The following SFXN2 variants were observed in gnomAD, a reference collection of about 807,000 sequenced individuals.
The protein encoded by SFXN2 is sideroflexin-2.
SFXN2 carries 37 observed loss-of-function variants against 41.9 expected under a neutral mutation model. The ratio of observed to expected loss-of-function variants is 0.88; its 90% confidence interval spans 0.68 to 1.16. The LOEUF (loss-of-function observed/expected upper bound fraction) is 1.16. Among genes scored for constraint, SFXN2 ranks in the 50% most tolerant of loss-of-function variants. The pLI is 0.00. For missense variants in SFXN2, 386 were observed against 425.2 expected (o/e 0.91, Z 0.81); for synonymous variants, 150 against 156.7 (o/e 0.96, Z 0.32).
rs1477789922 is a variant in SFXN2, at chr10:102,740,152, T to C, written c.*2390T>C. The C allele has an allele frequency of 6.6e-6, 1 of 152,176 alleles. No homozygotes were observed. Among genetic ancestry groups the C allele is most frequent in the African/African-American group, 2.4e-5 (1 of 41,450 alleles). The allele number at this position is 152,176 out of a possible 1,614,324, so 9.4% of individuals were successfully genotyped here. ...TGATTTTTCTCCCCGTTTAAAAAAG[T>C]TAAAATATAACTCACATACCATAAA... On this transcript the variant is annotated 3_prime_UTR_variant, in exon 12 of 12. Transcript: ENST00000369893.
At chr10:102,726,922 G>A in intron 2 of SFXN2, 65 bp from the exon 3 acceptor site, 1 of 1,580,824 alleles carries the variant, frequency 6.3e-7, no homozygotes, top group South Asian at 1.2e-5. Flanking sequence ...GAAGAAGTGA[G>A]AGTGGGGAGA....
chr10:102,726,431 G>A (rs2064594137), intron 1 of SFXN2, 181 bp from the exon 2 acceptor site: 3 of 606,848 alleles, frequency 4.9e-6, no homozygotes, highest in Middle Eastern at 4.5e-4. Flanking sequence ...AGGCCCTCAG[G>A]AAACACATGT....
In SFXN2 at chr10:102,737,661, A is replaced by G; in HGVS notation, c.870-2A>G. ...GCTCATAATCCACTTCTCTCTTTTC[A>G]GTGAATTGCCAGTTTCCTATCTGGA... On this transcript the variant is annotated splice_acceptor_variant, in intron 11 of 11. Transcript: ENST00000369893. LOFTEE classifies it high-confidence loss of function. 6.2e-7 allele frequency: 1 copy of G among 1,607,110 alleles called. No homozygotes were observed. The highest frequency in any genetic ancestry group is 1.3e-5 in the African/African-American group (1 of 74,896).
At chr10:102,715,930 CAA>C (rs11464783) in intron 1 of SFXN2, among the ~76,000 whole-genome samples, 15 of 94,916 alleles carry the variant, frequency 1.6e-4, no homozygotes, top group African/African-American at 1.6e-4. Flanking sequence ...GACCCTGCCT[CAA>C]AAAAAAAAAA....
rs1309240608 is a variant in SFXN2 at position 102,736,793 on chromosome 10, T to G, written c.870-870T>G. 2.0e-5 allele frequency among the ~76,000 whole-genome samples: 3 copies of G among 150,324 alleles called. No homozygotes were observed. The East Asian group carries it at 6.1e-4, about 31-fold the overall frequency. On this transcript the variant is annotated intron_variant, in intron 11 of 11. Coordinates refer to ENST00000369893, the MANE Select transcript of SFXN2 (RefSeq NM_178858.6). ...CTTGAAATCCTGACCTCAGGTGATC[T>G]GCCCGCCTCAGCCTCCCAAAGTATT...
At chr10:102,727,234 T>C (rs2064615566) in intron 3 of SFXN2, 77 bp downstream of exon 3, 2 of 1,461,534 alleles carry the variant, frequency 1.4e-6, no homozygotes, top group Non-Finnish European at 1.9e-6. Flanking sequence ...ATGATAATAA[T>C]AATAGTTCTC....
chr10:102,729,369 C>G lies in SFXN2; in HGVS notation c.482C>G (p.Ala161Gly). Reference protein sequence around the residue: ...FTATTTAVATAVGMNMLTKKA... With the variant: ...FTATTTAVATGVGMNMLTKKA... ...GCCACAACCACTGCTGTGGCCACGG[C>G]TGTGGGCATGAACATGTTGACAAAG... is the stretch of plus-strand genomic sequence containing the variant. The change falls in exon 5 of 12, where the codon GCT (alanine) becomes GGT (glycine). Residue 161 changes from alanine (A) to glycine (G), a missense_variant. Coordinates refer to ENST00000369893, the MANE Select transcript of SFXN2 (RefSeq NM_178858.6). 1 of 1,614,200 alleles carries G rather than the reference C, an allele frequency of 6.2e-7. No individual in the cohort carries two copies. The highest frequency in any genetic ancestry group is 8.5e-7 in the Non-Finnish European group (1 of 1,180,030).
rs1590148046 is a variant in SFXN2, at chr10:102,728,515, C to T, written c.417C>T (p.Ser139=). ...LVNYTNRNAA[S]PTSVRQMALS... is the part of the protein sequence containing the mutation. ...ACTACACCAACAGGAATGCGGCTTCCCCCACATCAGTCAGGTAGGAGACCT... is the reference window on the plus strand; with the variant it reads ...ACTACACCAACAGGAATGCGGCTTCTCCCACATCAGTCAGGTAGGAGACCT... Residue 139 remains serine, a synonymous_variant, in exon 4 of 12, where the codon TCC becomes TCT. Transcript: ENST00000369893. The T allele has an allele frequency of 6.2e-7, 1 of 1,613,816 alleles. No individual in the cohort carries two copies. Among genetic ancestry groups the T allele is most frequent in the South Asian group, 1.1e-5 (1 of 91,074 alleles).
At chr10:102,726,568 G>T (rs749233869) in intron 1 of SFXN2, 44 bp from the exon 2 acceptor site, 1 of 1,586,822 alleles carries the variant, frequency 6.3e-7, no homozygotes, top group South Asian at 1.2e-5. Context: ...CTCTGTGGTG[G>T]GCTTTGATTT....
chr10:102,718,735 G>A (rs752315197), intron 1 of SFXN2, among the ~76,000 whole-genome samples: 23 of 151,982 alleles, frequency 1.5e-4, no homozygotes, highest in Non-Finnish European at 2.8e-4. Flanking sequence ...CCGCCTTAAC[G>A]AAAAATCTAA....
chr10:102,732,217 G>A lies in SFXN2; in HGVS notation c.720G>A (p.Met240Ile), dbSNP rs1234446151. ...ISRITMSAPG[M>I]ILLPVIMERL... ...GGATCACCATGTCAGCTCCTGGGAT[G>A]AGTAAGATGGGGAAGCCCTTCCATC... The change falls in exon 8 of 12, where the codon ATG becomes ATA. Residue 240 changes from methionine to isoleucine, a missense_variant and splice_region_variant. By Grantham distance (10) the Met-to-Ile change is conservative. Transcript: ENST00000369893. 1.2e-6 allele frequency: 2 copies of A among 1,613,764 alleles called. No homozygotes were observed. Among genetic ancestry groups the A allele is most frequent in the Admixed American group, 3.3e-5 (2 of 59,958 alleles).
intron 8 of SFXN2, 126 bp downstream of exon 8, chr10:102,732,344 C>T (rs766337189): frequency 1.5e-4 from 115 of 755,192 alleles, no homozygotes; most frequent in Middle Eastern, 3.9e-4. Flanking sequence ...AACTGCTTTG[C>T]TTGATTGCTG....
Position 102,737,891 on chromosome 10 carries a change from C to T in SFXN2, c.*129C>T. ...GGCCAGGGTAGATTGGGGGGTGGGA[C>T]AATGAATGCCTCATACTTACACCCT... On this transcript the variant is annotated 3_prime_UTR_variant, in exon 12 of 12. Coordinates refer to ENST00000369893, the MANE Select transcript of SFXN2 (RefSeq NM_178858.6). The T allele has an allele frequency of 1.7e-6, 1 of 600,648 alleles. No homozygotes were observed. Among genetic ancestry groups the T allele is most frequent in the Non-Finnish European group, 3.0e-6 (1 of 338,476 alleles). 37.2% of individuals were successfully genotyped at this position (600,648 alleles called of 1,614,324 possible).
chr10:102,722,650 C>T (rs777753418), intron 1 of SFXN2, among the ~76,000 whole-genome samples: 8 of 151,894 alleles, frequency 5.3e-5, no homozygotes, highest in African/African-American at 1.5e-4. Flanking sequence ...AAGCAGTCCC[C>T]GCACCTCAGC....
At chr10:102,733,719 C>G (rs1278543213) in intron 10 of SFXN2, 116 bp downstream of exon 10, 1 of 862,576 alleles carries the variant, frequency 1.2e-6, no homozygotes, top group African/African-American at 1.7e-5. Flanking sequence ...TAAAAGTGGT[C>G]AAGCTCAGAA....
At chr10:102,724,245 T>C (rs1472561844) in intron 1 of SFXN2, among the ~76,000 whole-genome samples, 1 of 152,244 alleles carries the variant, frequency 6.6e-6, no homozygotes, top group Non-Finnish European at 1.5e-5. Context: ...CTTTATCCAG[T>C]CTGCCATGGA....
rs866755941 is a variant in SFXN2 at position 102,737,754 on chromosome 10, G to A, written c.961G>A (p.Gly321Ser). 1.2e-6 allele frequency: 2 copies of A among 1,608,742 alleles called. No individual in the cohort carries two copies. The highest frequency in any genetic ancestry group is 1.7e-6 in the Non-Finnish European group (2 of 1,175,868). Residue 321 changes from glycine (G) to serine (S), a missense_variant, in exon 12 of 12, where the codon GGT (glycine) becomes AGT (serine). Coordinates refer to ENST00000369893, the MANE Select transcript of SFXN2 (RefSeq NM_178858.6). Reference protein sequence around the residue: ...ELEPYVYFNKGL With the variant: ...ELEPYVYFNKSL ...TGAGCCTTATGTCTACTTCAATAAGGGTCTCTAAATGCCCCACTTCAGCAA... is the reference window on the plus strand; with the variant it reads ...TGAGCCTTATGTCTACTTCAATAAGAGTCTCTAAATGCCCCACTTCAGCAA...
At chr10:102,721,480 ATTAT>A (rs1305164968) in intron 1 of SFXN2, among the ~76,000 whole-genome samples, 4 of 147,966 alleles carry the variant, frequency 2.7e-5, no homozygotes, top group African/African-American at 4.9e-5. Flanking sequence ...AGCTATATGA[ATTAT>A]TTATGTTTAT....
intron 3 of SFXN2, 100 bp from the exon 4 acceptor site, chr10:102,728,331 C>T (rs2064640583): frequency 1.1e-6 from 1 of 881,626 alleles, no homozygotes; most frequent in Non-Finnish European, 1.9e-6. Context: ...AGTATGGGAA[C>T]AGTGTGGGGA....
Sources: gnomAD v4.1 joint callset for allele counts (sites outside exome capture counted in the v4.1 genomes callset) on GRCh38, gnomAD v4.1.1 for gene constraint, MANE v1.5 for transcripts, NCBI Gene and HGNC (gene_info 2026-07-23, HGNC 2026-07-21) for gene names.